Variants in FOXP4 observed in about 807,000 individuals in gnomAD.
The protein encoded by FOXP4 is forkhead box protein P4.
Under a neutral mutation model 82.6 loss-of-function variants are expected in FOXP4, and 25 were observed. The observed-to-expected ratio is 0.30, with a 90% CI of 0.22 to 0.42. The LOEUF is 0.42. FOXP4 is among the 10% of genes least tolerant of loss of function. FOXP4 has a pLI of 1.00. For synonymous variants in FOXP4, 415 were observed against 388.2 expected (o/e 1.07, Z -0.81); for missense variants, 785 against 900.9 (o/e 0.87, Z 1.65).
intron 2 of FOXP4, among the ~76,000 whole-genome samples, chr6:41,569,410 A>G (rs1447271792): frequency 6.6e-6 from 1 of 152,200 alleles, no homozygotes; most frequent in Non-Finnish European, 1.5e-5. Flanking sequence ...ACCCTATGGG[A>G]TGGCTCTTTT....
chr6:41,587,533 AG>A, intron 7 of FOXP4, 21 bp downstream of exon 7: 1 of 1,512,218 alleles, frequency 6.6e-7, no homozygotes, highest in Non-Finnish European at 8.9e-7. Context: ...CCAGGCTGGG[AG>A]GGGCATCAAA....
In FOXP4 at chr6:41,558,274, C is replaced by G. The variant is rs1261622000; in HGVS notation, c.-16-7471C>G. On this transcript the variant is annotated intron_variant, in intron 1 of 16. Coordinates refer to ENST00000307972, the MANE Select transcript of FOXP4 (RefSeq NM_001012426.2). The surrounding 1 kb of genome is among the most constrained non-coding windows in gnomAD (Gnocchi z 4.0). ...AGCAGTGCGTGACTCACATCACCCA[C>G]CTCTGGCTTCAGGACCTATTCTGGA... 1.3e-5 allele frequency among the ~76,000 whole-genome samples: 2 copies of G among 152,192 alleles called. No homozygotes were observed. Among genetic ancestry groups the G allele is most frequent in the African/African-American group, 4.8e-5 (2 of 41,438 alleles).
At position 41,601,188 on chromosome 6, in the gene FOXP4, CTG is replaced by C. The variant is rs1405114329; in HGVS notation, c.*2257_*2258del. 1.3e-5 allele frequency: 2 copies of C among 152,334 alleles called. No individual in the cohort carries two copies. Among genetic ancestry groups the C allele is most frequent in the Admixed American group, 6.5e-5 (1 of 15,288 alleles). The allele number at this position is 152,334 out of a possible 1,614,324, so 9.4% of individuals were successfully genotyped here. A position where few individuals can be genotyped will look rare whatever the true frequency, so the allele number is the denominator to read the frequency against. On this transcript the variant is annotated 3_prime_UTR_variant, in exon 17 of 17. Transcript: ENST00000307972. The stretch of plus-strand genomic sequence containing the variant: ...TGTGCGTGCACACCCACGTGGCACA[CTG>C]TGTGGTGACCATGGTCATCATAGTG...
In FOXP4 at chr6:41,578,057, C is replaced by T. The variant is rs201560556; in HGVS notation, c.276C>T (p.Ser92=). The T allele has an allele frequency of 5.3e-5, 85 of 1,613,616 alleles. No individual in the cohort carries two copies. Among genetic ancestry groups the T allele is most frequent in the Non-Finnish European group, 6.0e-5 (71 of 1,179,992 alleles). The change falls in exon 3 of 17, where the codon AGC becomes AGT. Residue 92 remains serine, a synonymous_variant. Transcript: ENST00000307972. Reference sequence around the variant, plus strand: ...TGAGCTCCCCAGGGAACAATGACAGCAAACAGTCTGCCTCTGCTGTGCAGG... The same window carrying T: ...TGAGCTCCCCAGGGAACAATGACAGTAAACAGTCTGCCTCTGCTGTGCAGG... ...SGLSSPGNND[S]KQSASAVQVP...
intron 1 of FOXP4, among the ~76,000 whole-genome samples, chr6:41,562,496 C>G (rs1309262758): frequency 2.0e-5 from 3 of 152,234 alleles, no homozygotes; most frequent in East Asian, 1.9e-4. Flanking sequence ...TATGCCCCCC[C>G]CATAAAAAGA....
rs1764386944 is a variant in FOXP4, at chr6:41,558,260, ACT to A, written c.-16-7483_-16-7482del. Among the ~76,000 whole-genome samples, 1 of 152,142 alleles carries A rather than the reference ACT, an allele frequency of 6.6e-6. No individual in the cohort carries two copies. Among genetic ancestry groups the A allele is most frequent in the Non-Finnish European group, 1.5e-5 (1 of 68,014 alleles). On this transcript the variant is annotated intron_variant, in intron 1 of 16. Transcript: ENST00000307972. This position sits in a 1 kb window ranked among gnomAD's most constrained non-coding sequence, Gnocchi z 4.0. ...CGATCAGGGAGCCAAGCAGTGCGTG[ACT>A]CACATCACCCACCTCTGGCTTCAGG...
chr6:41,579,844 A>C (rs1330345325), intron 3 of FOXP4, among the ~76,000 whole-genome samples: 1 of 152,216 alleles, frequency 6.6e-6, no homozygotes, highest in African/African-American at 2.4e-5. Flanking sequence ...ACATATACAG[A>C]GTGCTTACCA....
At chr6:41,581,229 T>A (rs1430178284) in intron 3 of FOXP4, among the ~76,000 whole-genome samples, 1 of 152,214 alleles carries the variant, frequency 6.6e-6, no homozygotes, top group East Asian at 1.9e-4. Flanking sequence ...TCTCCCCACA[T>A]TGCCCCCCAC....
At chr6:41,547,832 C>T (rs935329542) in intron 1 of FOXP4, among the ~76,000 whole-genome samples, 3 of 152,010 alleles carry the variant, frequency 2.0e-5, no homozygotes, top group Non-Finnish European at 1.5e-5. Flanking sequence ...ACCCCAGCAC[C>T]TCTCTGACCG....
intron 1 of FOXP4, among the ~76,000 whole-genome samples, chr6:41,564,859 C>T (rs1764786634): frequency 6.6e-6 from 1 of 152,200 alleles, no homozygotes; most frequent in African/African-American, 2.4e-5. Context: ...CAGTGTCTGG[C>T]TCCCAGTAGG....
At chr6:41,589,636 A>T in intron 9 of FOXP4, 135 bp from the exon 10 acceptor site, 1 of 842,032 alleles carries the variant, frequency 1.2e-6, no homozygotes, top group Non-Finnish European at 1.9e-6. Flanking sequence ...CAGAGGGAGC[A>T]TGGATGCTGA....
At chr6:41,576,101 G>C (rs180786535) in intron 2 of FOXP4, among the ~76,000 whole-genome samples, 31 of 147,382 alleles carry the variant, frequency 2.1e-4, no homozygotes, top group Middle Eastern at 3.5e-3. Context: ...GACTTAGAAA[G>C]GTCAGATTTC....
chr6:41,583,315 A>G (rs566499132), intron 3 of FOXP4, among the ~76,000 whole-genome samples: 182 of 152,084 alleles, frequency 1.2e-3, no homozygotes, highest in Non-Finnish European at 2.0e-3. Flanking sequence ...TTCCTAATCC[A>G]TGGCTTAAGG....
chr6:41,575,055 A>G (rs1581742784), intron 2 of FOXP4, among the ~76,000 whole-genome samples: 1 of 151,564 alleles, frequency 6.6e-6, no homozygotes, highest in Non-Finnish European at 1.5e-5. Context: ...TGCAAGCTCC[A>G]CCTCCCGGGT....
chr6:41,557,729 CTATA>C (rs1161941555), intron 1 of FOXP4, among the ~76,000 whole-genome samples: 1 of 152,080 alleles, frequency 6.6e-6, no homozygotes, highest in Non-Finnish European at 1.5e-5. Context: ...ACCAGAAAGG[CTATA>C]TATCCCAAAG....
Position 41,597,909 on chromosome 6 carries a change from C to G in FOXP4, c.1854C>G (p.Asn618Lys), listed in dbSNP as rs535221744. ...VGAPVEPLPS[N>K]GSSSPPRLSP... ...CCCCCGTGGAGCCGCTGCCCAGCAACGGCAGCAGCAGCCCTCCTCGCCTCT... is the reference window on the plus strand; with the variant it reads ...CCCCCGTGGAGCCGCTGCCCAGCAAGGGCAGCAGCAGCCCTCCTCGCCTCT... The change falls in exon 16 of 17, where the codon AAC becomes AAG. Residue 618 changes from asparagine to lysine, a missense_variant. By Grantham distance (94) the Asn-to-Lys change is moderately conservative. This residue lies in a region of FOXP4 where 184 missense variants were observed against 187.3 expected (regional missense o/e 0.98). Transcript: ENST00000307972. The G allele has an allele frequency of 6.3e-7, 1 of 1,582,536 alleles. No homozygotes were observed. The highest frequency in any genetic ancestry group is 8.5e-7 in the Non-Finnish European group (1 of 1,170,734).
At chr6:41,597,070 A>T in intron 14 of FOXP4, 106 bp from the exon 15 acceptor site, 2 of 1,201,306 alleles carry the variant, frequency 1.7e-6, no homozygotes, top group Non-Finnish European at 2.5e-6. Flanking sequence ...CGGAATAGGG[A>T]ATGGGACCCA....
chr6:41,578,123 G>C, intron 3 of FOXP4, 42 bp downstream of exon 3: 1 of 1,556,138 alleles, frequency 6.4e-7, no homozygotes, highest in Non-Finnish European at 8.8e-7. Flanking sequence ...TTGGGCTGGA[G>C]TGTGGGCCTG....
intron 2 of FOXP4, chr6:41,570,079 G>GACAC (rs35549847): frequency 0.067 from 8,315 of 123,866 alleles, 446 homozygotes; most frequent in Admixed American, 0.078. Context: ...ACCACCCCCT[G>GACAC]ACACACACAC....
Sources: allele counts gnomAD v4.1 joint callset (sites outside exome capture counted in the v4.1 genomes callset), GRCh38; gene constraint gnomAD v4.1.1; regional missense constraint gnomAD v4.1.1; non-coding constraint Gnocchi (gnomAD v3.1); transcripts MANE v1.5; gene names NCBI Gene and HGNC (gene_info 2026-07-23, HGNC 2026-07-21).